PCDHGA1: variants seen among roughly 807,000 people sequenced by gnomAD.
PCDHGA1 encodes protocadherin gamma-A1.
In PCDHGA1, 32 loss-of-function variants were observed where a neutral mutation model predicts 58.0. The ratio of observed to expected loss-of-function variants is 0.55; its 90% CI spans 0.42 to 0.74. PCDHGA1 has a LOEUF of 0.74. PCDHGA1 is among the 30% of genes least tolerant of loss of function. The pLI, the probability that PCDHGA1 is intolerant of heterozygous loss-of-function variation, is 0.00. For missense variants in PCDHGA1, 1,205 were observed against 1,182.3 expected, an observed-to-expected ratio of 1.02 and a Z score of -0.28; for synonymous variants, 498 against 501.1, an observed-to-expected ratio of 0.99 and a Z score of 0.08.
At chr5:141,389,390 C>A (rs759786018) in intron 1 of PCDHGA1, 1 of 1,613,718 alleles carries the variant, frequency 6.2e-7, no homozygotes, top group Non-Finnish European at 8.5e-7. Context: ...TGTCATCCTA[C>A]GTGTCCATAA....
At chr5:141,509,319 G>A (rs1427191152) in intron 3 of PCDHGA1, among the ~76,000 whole-genome samples, 3 of 152,216 alleles carry the variant, frequency 2.0e-5, no homozygotes, top group African/African-American at 4.8e-5. Context: ...TGGGAGAGAA[G>A]CTCTACTGCC....
At chr5:141,356,989 G>A (rs1760420432) in intron 1 of PCDHGA1, 4 of 1,614,240 alleles carry the variant, frequency 2.5e-6, no homozygotes, top group Non-Finnish European at 3.4e-6. Context: ...AGTGGACAGA[G>A]ACTCAGGTCA....
intron 1 of PCDHGA1, chr5:141,357,593 T>G: frequency 6.2e-7 from 1 of 1,614,134 alleles, no homozygotes; most frequent in Non-Finnish European, 8.5e-7. Context: ...CAGGATTTAC[T>G]TGAAACAAAA....
chr5:141,390,000 A>G, intron 1 of PCDHGA1: 2 of 1,613,856 alleles, frequency 1.2e-6, no homozygotes, highest in Non-Finnish European at 1.7e-6. Flanking sequence ...CGTGGCCATG[A>G]TTCTGGCCAT....
At chr5:141,414,186 G>C in intron 1 of PCDHGA1, 1 of 1,609,824 alleles carries the variant, frequency 6.2e-7, no homozygotes, top group Non-Finnish European at 8.5e-7. Context: ...CTGCAAAAGT[G>C]TTGATTACAG....
In PCDHGA1 at chr5:141,431,777, G is replaced by T. The variant is rs151011884; in HGVS notation, c.2422-63030G>T. 5,401 of 1,614,186 alleles carry T rather than the reference G, an allele frequency of 3.3e-3. 6 individuals are homozygous for T. Among genetic ancestry groups the T allele is most frequent in the Non-Finnish European group, 4.2e-3 (4,899 of 1,180,002 alleles). On this transcript the variant is annotated intron_variant, in intron 1 of 3. Coordinates refer to ENST00000517417, the MANE Select transcript of PCDHGA1 (RefSeq NM_018912.3). The surrounding 1 kb of genome is among the most constrained non-coding windows in gnomAD (Gnocchi z 4.8). ...CAAAGTCCTGATCACTGTTCTGGAC[G>T]TGAACGACAATGCCCCAGAAGTGGT...
At chr5:141,390,611 C>A (rs1248320569) in intron 1 of PCDHGA1, 1 of 295,950 alleles carries the variant, frequency 3.4e-6, no homozygotes, top group Admixed American at 4.8e-5. Context: ...CATTTTCCTT[C>A]TTGTTGACTA....
chr5:141,377,799 T>C (rs1774359449), intron 1 of PCDHGA1: 1 of 152,206 alleles, frequency 6.6e-6, no homozygotes, highest in African/African-American at 2.4e-5. Flanking sequence ...TTCCTGTAAC[T>C]ATCTGTTATT....
intron 1 of PCDHGA1, chr5:141,342,419 T>C (rs1282431685): frequency 6.6e-6 from 1 of 152,228 alleles, no homozygotes; most frequent in Non-Finnish European, 1.5e-5. Flanking sequence ...AGCACACTAA[T>C]GTTCTATGTA....
chr5:141,450,280 T>C (rs1374970772), intron 1 of PCDHGA1, among the ~76,000 whole-genome samples: 2 of 152,166 alleles, frequency 1.3e-5, no homozygotes, highest in African/African-American at 4.8e-5. Context: ...AGCTAAGTGC[T>C]GGGATTACAG....
intron 1 of PCDHGA1, among the ~76,000 whole-genome samples, chr5:141,452,375 G>A (rs1239059045): frequency 2.0e-5 from 3 of 152,194 alleles, no homozygotes; most frequent in African/African-American, 7.2e-5. Context: ...TTTTAGTAGG[G>A]AATAGTATTT....
chr5:141,402,871 A>G, intron 1 of PCDHGA1: 1 of 1,452,626 alleles, frequency 6.9e-7, no homozygotes, highest in Non-Finnish European at 9.1e-7. Context: ...AAAGATCACC[A>G]TACTTTGCAG....
Position 141,413,187 on chromosome 5 carries a change from A to G in PCDHGA1, c.2421+80082A>G, listed in dbSNP as rs778441437. The G allele has an allele frequency of 6.2e-6, 10 of 1,606,328 alleles. No individual in the cohort carries two copies. The African/African-American group carries it at 1.3e-4, about 22-fold the overall frequency. On this transcript the variant is annotated intron_variant, in intron 1 of 3. Transcript: ENST00000517417. Reference sequence around the variant, plus strand: ...GTAACCAGACTACAATGGCCGCTCAAAGGAATCGCTCAAAGGAATCAAAGG... The same window carrying G: ...GTAACCAGACTACAATGGCCGCTCAGAGGAATCGCTCAAAGGAATCAAAGG...
At chr5:141,421,776 G>A in intron 1 of PCDHGA1, 5 of 1,613,876 alleles carry the variant, frequency 3.1e-6, no homozygotes, top group Non-Finnish European at 3.4e-6. Context: ...CCTTGCAACT[G>A]CGGGGCAGAA....
intron 1 of PCDHGA1, chr5:141,360,307 G>A (rs13171859): frequency 0.11 from 182,138 of 1,613,876 alleles, 11,756 homozygotes; most frequent in Non-Finnish European, 0.13. Flanking sequence ...GGGGCTCAGC[G>A]TCCGGGACTT....
At chr5:141,366,940 C>G in intron 1 of PCDHGA1, 1 of 819,904 alleles carries the variant, frequency 1.2e-6, no homozygotes, top group East Asian at 2.8e-5. Context: ...GGAAGTCTAG[C>G]TGATATCTGT....
At chr5:141,363,277 T>G (rs1254714580) in intron 1 of PCDHGA1, among the ~76,000 whole-genome samples, 3 of 152,270 alleles carry the variant, frequency 2.0e-5, no homozygotes, top group African/African-American at 7.2e-5. Context: ...GCTTTTGAAT[T>G]TCCTAATTAT....
intron 1 of PCDHGA1, chr5:141,342,871 A>G (rs894151562): frequency 2.6e-5 from 4 of 152,230 alleles, no homozygotes; most frequent in African/African-American, 7.2e-5. Flanking sequence ...TTGAAAAAAC[A>G]TCCTTACAGT....
intron 1 of PCDHGA1, chr5:141,405,320 C>A (rs1183399090): frequency 6.2e-7 from 1 of 1,614,188 alleles, no homozygotes; most frequent in South Asian, 1.1e-5. Flanking sequence ...GAAAAATGAG[C>A]CTTTGTGCGT....
Sources: gnomAD v4.1 joint callset for allele counts (sites outside exome capture counted in the v4.1 genomes callset) on GRCh38, gnomAD v4.1.1 for gene constraint, Gnocchi (gnomAD v3.1) non-coding constraint, MANE v1.5 for transcripts, NCBI Gene and HGNC (gene_info 2026-07-23, HGNC 2026-07-21) for gene names.